ASRGL1: variants seen among roughly 807,000 people sequenced by gnomAD.
ASRGL1 encodes isoaspartyl peptidase/L-asparaginase.
A neutral mutation model predicts 22.4 loss-of-function variants in ASRGL1; 16 were observed. That is an observed-to-expected ratio of 0.71 (90% CI 0.48 to 1.08). The LOEUF is 1.08. Among genes scored for constraint, ASRGL1 ranks in the 50% least tolerant of loss-of-function variants. The pLI is 0.00. For synonymous variants in ASRGL1, 165 were observed against 159.3 expected (o/e 1.04, Z -0.27); for missense variants, 412 against 410.1 (o/e 1.00, Z -0.04).
intron 4 of ASRGL1, chr11:62,382,598 AT>A (rs1947098685): frequency 1.3e-5 from 2 of 151,834 alleles, no homozygotes; most frequent in African/African-American, 4.8e-5. Context: ...CCTTCCTCTT[AT>A]CACAACTGCA....
chr11:62,357,187 A>C, intron 4 of ASRGL1, 43 bp downstream of exon 4: 1 of 1,584,048 alleles, frequency 6.3e-7, no homozygotes, highest in Non-Finnish European at 8.6e-7. Context: ...AGTTATTAAA[A>C]TATGAAAGTT....
chr11:62,378,252 A>G (rs1054633099), intron 4 of ASRGL1, among the ~76,000 whole-genome samples: 1 of 152,182 alleles, frequency 6.6e-6, no homozygotes, highest in African/African-American at 2.4e-5. Context: ...GAATCTTATC[A>G]GATGCTATTG....
At position 62,373,012 on chromosome 11, in the gene ASRGL1, C is replaced by G; in HGVS notation, c.491+15868C>G. 3.6e-6 allele frequency: 5 copies of G among 1,384,380 alleles called. No homozygotes were observed. The Admixed American group carries it at 6.7e-5, about 19-fold the overall frequency. 85.8% of individuals were successfully genotyped at this position (1,384,380 alleles called of 1,614,324 possible). A position where few individuals can be genotyped will look rare whatever the true frequency, so the allele number is the denominator to read the frequency against. Reference sequence around the variant, plus strand: ...GAACTGGGCTACAGGGATCACAAGCCCAAGTCTTCCACTGCAGCCCAGGAG... The same window carrying G: ...GAACTGGGCTACAGGGATCACAAGCGCAAGTCTTCCACTGCAGCCCAGGAG... On this transcript the variant is annotated intron_variant, in intron 4 of 6. Transcript: ENST00000415229.
At position 62,392,228 on chromosome 11, in the gene ASRGL1, G is replaced by T; in HGVS notation, c.871G>T (p.Gly291Cys). 3.1e-6 allele frequency: 5 copies of T among 1,614,202 alleles called. No individual in the cohort carries two copies. Among genetic ancestry groups the T allele is most frequent in the Non-Finnish European group, 4.2e-6 (5 of 1,180,042 alleles). The change falls in exon 7 of 7, where the codon GGC (glycine) becomes TGC (cysteine). Residue 291 changes from glycine to cysteine, a missense_variant. Physicochemically the swap from Gly to Cys is radical, Grantham distance 159. Transcript: ENST00000415229. ...CATGCCCTGGGCAGCCGCCAAGGAC[G>T]GCAAGCTGCACTTCGGAATTGATCC... ...TSMPWAAAKD[G>C]KLHFGIDPDD...
chr11:62,375,428 T>TTATTTATATA (rs1946889849), intron 4 of ASRGL1, among the ~76,000 whole-genome samples: 1 of 69,016 alleles, frequency 1.4e-5, no homozygotes, highest in Non-Finnish European at 3.1e-5. Flanking sequence ...TTGTCTTACT[T>TTATTTATATA]TATATATATA....
intron 2 of ASRGL1, among the ~76,000 whole-genome samples, chr11:62,351,822 C>T (rs1565155873): frequency 6.6e-6 from 1 of 152,060 alleles, no homozygotes; most frequent in Non-Finnish European, 1.5e-5. Flanking sequence ...TGCAGGTGAG[C>T]ACCACCACAC....
intron 4 of ASRGL1, chr11:62,372,289 G>A: frequency 1.2e-6 from 2 of 1,602,394 alleles, no homozygotes; most frequent in Non-Finnish European, 1.7e-6. Flanking sequence ...TTTGCGTTTG[G>A]GGAAAACAAG....
intron 4 of ASRGL1, among the ~76,000 whole-genome samples, chr11:62,361,312 C>T (rs1286890166): frequency 6.6e-6 from 1 of 151,964 alleles, no homozygotes; most frequent in Non-Finnish European, 1.5e-5. Context: ...CCATCTCAGC[C>T]TCCCAAGTAG....
At chr11:62,338,703 A>G (rs1047529621) in intron 2 of ASRGL1, among the ~76,000 whole-genome samples, 11 of 152,054 alleles carry the variant, frequency 7.2e-5, no homozygotes, top group Non-Finnish European at 2.9e-5. Flanking sequence ...TGGGAGGCCA[A>G]GGCGGGTGGA....
At chr11:62,361,481 ATTTTT>A (rs35345092) in intron 4 of ASRGL1, among the ~76,000 whole-genome samples, 2 of 101,912 alleles carry the variant, frequency 2.0e-5, no homozygotes, top group Non-Finnish European at 3.7e-5. Context: ...AACCTGGCCA[ATTTTT>A]TTTTTTTTTT....
chr11:62,339,460 C>T (rs1221157922), intron 2 of ASRGL1, among the ~76,000 whole-genome samples: 2 of 152,234 alleles, frequency 1.3e-5, no homozygotes, highest in Admixed American at 1.3e-4. Flanking sequence ...CTTTGTGTTT[C>T]GCTTCTTTCA....
chr11:62,359,202 A>G (rs1429891126), intron 4 of ASRGL1, among the ~76,000 whole-genome samples: 2 of 152,120 alleles, frequency 1.3e-5, no homozygotes, highest in East Asian at 3.9e-4. Flanking sequence ...GACATTTTCT[A>G]GTGGCCACAT....
At chr11:62,347,275 A>AT (rs556188222) in intron 2 of ASRGL1, among the ~76,000 whole-genome samples, 142 of 151,728 alleles carry the variant, frequency 9.4e-4, no homozygotes, top group African/African-American at 3.1e-3. Flanking sequence ...TAAAAGCTCA[A>AT]TTTTTTTTTC....
downstream of ASRGL1, chr11:62,393,448 C>T (rs1264677383): frequency 6.6e-6 from 1 of 152,054 alleles, no homozygotes; most frequent in Non-Finnish European, 1.5e-5. Flanking sequence ...TGACAAAGAC[C>T]AGAATGTACA....
At position 62,378,285 on chromosome 11, in the gene ASRGL1, T is replaced by C. The variant is rs1164967862; in HGVS notation, c.492-10848T>C. 2.0e-5 allele frequency among the ~76,000 whole-genome samples: 3 copies of C among 152,340 alleles called. No individual in the cohort carries two copies. In the East Asian group the frequency reaches 5.8e-4, roughly 29 times the overall value. ...TTGCCAGTCCAGCATTGGCAACCTC[T>C]GCTTGCAGAAATGTATAACAGTTAA... On this transcript the variant is annotated intron_variant, in intron 4 of 6. Transcript: ENST00000415229.
chr11:62,362,742 TATTATATATATAAA>T (rs1946505458), intron 4 of ASRGL1, among the ~76,000 whole-genome samples: 1 of 107,666 alleles, frequency 9.3e-6, no homozygotes, highest in South Asian at 2.4e-4. Flanking sequence ...ATATAATATA[TATTATATATATAAA>T]TTTATATATA....
chr11:62,383,736 A>G (rs1947132725), intron 4 of ASRGL1, among the ~76,000 whole-genome samples: 1 of 151,854 alleles, frequency 6.6e-6, no homozygotes, highest in East Asian at 1.9e-4. Context: ...AGCCTGGGCA[A>G]CATGGTGAAA....
intron 4 of ASRGL1, among the ~76,000 whole-genome samples, chr11:62,362,339 TAA>T (rs1233217744): frequency 6.7e-6 from 1 of 149,522 alleles, no homozygotes; most frequent in East Asian, 1.9e-4. Flanking sequence ...AGCAAAACCA[TAA>T]AAAGTCTTCA....
intron 2 of ASRGL1, among the ~76,000 whole-genome samples, chr11:62,355,989 A>G (rs1306743813): frequency 1.3e-5 from 2 of 152,262 alleles, no homozygotes; most frequent in Non-Finnish European, 2.9e-5. Context: ...TTCTTAGTAC[A>G]GAACAAGATG....
Sources: allele counts gnomAD v4.1 joint callset (sites outside exome capture counted in the v4.1 genomes callset), GRCh38; gene constraint gnomAD v4.1.1; transcripts MANE v1.5; gene names NCBI Gene and HGNC (gene_info 2026-07-23, HGNC 2026-07-21).